Variants in ALOXE3 observed in about 807,000 individuals in gnomAD.
ALOXE3 encodes hydroperoxide isomerase ALOXE3.
A neutral mutation model predicts 87.5 loss-of-function variants in ALOXE3; 78 were observed. That is an observed-to-expected ratio of 0.89 (90% CI 0.74 to 1.08). The LOEUF (loss-of-function observed/expected upper bound fraction) is 1.08. Ranked by LOEUF, ALOXE3 falls within the 50% of genes least tolerant of loss-of-function variation. The pLI, the probability that ALOXE3 is intolerant of heterozygous loss-of-function variation, is 0.00. For missense variants in ALOXE3, 946 were observed against 912.4 expected, an observed-to-expected ratio of 1.04 and a Z score of -0.47; for synonymous variants, 363 against 370.8, an observed-to-expected ratio of 0.98 and a Z score of 0.24.
intron 13 of ALOXE3, 47 bp downstream of exon 13, chr17:8,108,421 T>C (rs1360699382): frequency 6.2e-7 from 1 of 1,605,706 alleles, no homozygotes; most frequent in Non-Finnish European, 8.5e-7. Context: ...GCCAAGCAAG[T>C]GCTAGCTCAT....
rs371734680 is a variant in ALOXE3, at chr17:8,117,215, G to C, written c.148-235C>G. Among the ~76,000 whole-genome samples, 142 of 152,372 alleles carry C rather than the reference G, an allele frequency of 9.3e-4. 4 individuals are homozygous for C. Among genetic ancestry groups the C allele is most frequent in the African/African-American group, 3.2e-3 (134 of 41,592 alleles). On this transcript the variant is annotated intron_variant, in intron 2 of 15. Coordinates refer to ENST00000448843, the MANE Select transcript of ALOXE3 (RefSeq NM_021628.3). Reference sequence around the variant, plus strand: ...GAGGCGGGTGGATCACCTGAGGTCAGGAGTTTGAGACCAGCCTGCCCGATG... The same window carrying C: ...GAGGCGGGTGGATCACCTGAGGTCACGAGTTTGAGACCAGCCTGCCCGATG...
chr17:8,118,792 G>A (rs1337325091), upstream of ALOXE3: 1 of 1,537,060 alleles, frequency 6.5e-7, no homozygotes, highest in South Asian at 1.2e-5. Flanking sequence ...TTCCGCTCCA[G>A]GACCGCCCTG....
rs377376435 is a variant in ALOXE3, at chr17:8,103,523, G to A, written c.1786-30C>T. ...GGAGACCCCCATCCCAGTTGGGTCA[G>A]TTGGCCAGAAGGGGAGTATCACCTC... is the stretch of plus-strand genomic sequence containing the variant. On this transcript the variant is annotated intron_variant, in intron 14 of 15. Coordinates refer to ENST00000448843, the MANE Select transcript of ALOXE3 (RefSeq NM_021628.3). 4 of 1,612,390 alleles carry A rather than the reference G, an allele frequency of 2.5e-6. No homozygotes were observed. The African/African-American group carries it at 4.0e-5, about 16-fold the overall frequency.
At chr17:8,101,367 T>C (rs543599927) in intron 15 of ALOXE3, among the ~76,000 whole-genome samples, 1 of 152,300 alleles carries the variant, frequency 6.6e-6, no homozygotes, top group South Asian at 2.1e-4. Context: ...TGGTTCACAT[T>C]TTAAAATCAT....
chr17:8,118,699 A>T, upstream of ALOXE3: 1 of 1,537,252 alleles, frequency 6.5e-7, no homozygotes, highest in South Asian at 1.2e-5. Flanking sequence ...GCCCGACCTC[A>T]TTCTCTGCTC....
At chr17:8,112,348 T>C (rs1395613393) in intron 6 of ALOXE3, 152 bp from the exon 7 acceptor site, 1 of 652,364 alleles carries the variant, frequency 1.5e-6, no homozygotes, top group Non-Finnish European at 2.8e-6. Flanking sequence ...TAGTACCCGG[T>C]GGAGGCTCTG....
intron 11 of ALOXE3, 130 bp from the exon 12 acceptor site, chr17:8,109,473 T>C (rs1979821349): frequency 1.6e-6 from 2 of 1,259,772 alleles, no homozygotes; most frequent in Non-Finnish European, 2.2e-6. Flanking sequence ...ACGGATCAAA[T>C]ACCCACGAGG....
chr17:8,104,460 G>C (rs1979145245), intron 13 of ALOXE3, among the ~76,000 whole-genome samples: 1 of 152,158 alleles, frequency 6.6e-6, no homozygotes, highest in Admixed American at 6.5e-5. Context: ...AATGACAGAG[G>C]CAGCTTCAAG....
chr17:8,112,097 C>G lies in ALOXE3; in HGVS notation c.780G>C (p.Thr260=). 2 of 1,613,816 alleles carry G rather than the reference C, an allele frequency of 1.2e-6. No individual in the cohort carries two copies. The highest frequency in any genetic ancestry group is 1.3e-5 in the African/African-American group (1 of 75,006). The change falls in exon 7 of 16, where the codon ACG becomes ACC. Residue 260 remains threonine (T), a synonymous_variant. Transcript: ENST00000448843. ...CTCCTGCCTGGCTCTGCTCACTTGT[C>G]GTGAAGGTCTTATGGCACCAGAAGA... is the stretch of plus-strand genomic sequence containing the variant. ...QNIFWCHKTF[T]TKYVTEHWCE... is the part of the protein sequence containing the mutation.
chr17:8,112,038 G>A, intron 7 of ALOXE3, 55 bp downstream of exon 7: 2 of 1,490,288 alleles, frequency 1.3e-6, no homozygotes, highest in Non-Finnish European at 1.9e-6. Flanking sequence ...GAGAGGAAGG[G>A]GTCTGAGCAT....
intron 13 of ALOXE3, among the ~76,000 whole-genome samples, chr17:8,107,291 C>T (rs1264179291): frequency 6.6e-6 from 1 of 152,198 alleles, no homozygotes; most frequent in African/African-American, 2.4e-5. Context: ...CCGAGGTGGG[C>T]AGATCACCTG....
chr17:8,113,092 A>G (rs62063060), intron 6 of ALOXE3, among the ~76,000 whole-genome samples: 2,407 of 152,284 alleles, frequency 0.016, 24 homozygotes, highest in Non-Finnish European at 0.026. Flanking sequence ...CTCCATCTCT[A>G]TGATAAAAAT....
At chr17:8,111,789 T>C (rs1459742850) in intron 7 of ALOXE3, among the ~76,000 whole-genome samples, 2 of 151,572 alleles carry the variant, frequency 1.3e-5, no homozygotes, top group Admixed American at 1.3e-4. Context: ...GTGGTTGGAG[T>C]AGGGGAAGAG....
At chr17:8,111,089 C>T (rs551611925) in intron 8 of ALOXE3, among the ~76,000 whole-genome samples, 6 of 152,176 alleles carry the variant, frequency 3.9e-5, no homozygotes, top group South Asian at 2.1e-4. Context: ...CAAGGGCAAG[C>T]CTTCCTCAAA....
Position 8,117,843 on chromosome 17 carries a change from C to G in ALOXE3, c.147+1G>C. ...CGCTTCCCTGTCTCCTTTGTACTCA[C>G]CGATCCAGGGGCGAAGTCCCTGCCC... On this transcript the variant is annotated splice_donor_variant, in intron 2 of 15. Coordinates refer to ENST00000448843, the MANE Select transcript of ALOXE3 (RefSeq NM_021628.3). LOFTEE classifies it high-confidence loss of function. 1 of 1,610,410 alleles carries G rather than the reference C, an allele frequency of 6.2e-7. No homozygotes were observed.
rs1226180432 is a variant in ALOXE3, at chr17:8,098,237, T to G, written c.1957-1431A>C. ...TTGAAATATACTTTTGGTTTTTGTT[T>G]TTTTTTTTTTTTTTTTTTTGAGACG... On this transcript the variant is annotated intron_variant, in intron 15 of 15. Coordinates refer to ENST00000448843, the MANE Select transcript of ALOXE3 (RefSeq NM_021628.3). Among the ~76,000 whole-genome samples the G allele has an allele frequency of 1.7e-3, 212 of 127,138 alleles. 1 individual carries two copies. Among genetic ancestry groups the G allele is most frequent in the Non-Finnish European group, 2.1e-3 (132 of 62,234 alleles). 83.4% of individuals were successfully genotyped at this position (127,138 alleles called of 152,430 possible). A position where few individuals can be genotyped will look rare whatever the true frequency, so the allele number is the denominator to read the frequency against.
At chr17:8,098,240 T>G (rs1356306992) in intron 15 of ALOXE3, among the ~76,000 whole-genome samples, 55 of 130,566 alleles carry the variant, frequency 4.2e-4, no homozygotes, top group Non-Finnish European at 7.1e-4. Context: ...TTTTGTTTTT[T>G]TTTTTTTTTT....
chr17:8,107,818 A>T (rs1427546299), intron 13 of ALOXE3, among the ~76,000 whole-genome samples: 2 of 2,248 alleles, frequency 8.9e-4, no homozygotes, highest in Non-Finnish European at 1.8e-3. Flanking sequence ...AACAAGAAAG[A>T]AAGAAAGAAA....
At chr17:8,117,689 T>C (rs1181810093) in intron 2 of ALOXE3, among the ~76,000 whole-genome samples, 155 bp downstream of exon 2, 1 of 151,988 alleles carries the variant, frequency 6.6e-6, no homozygotes, top group Non-Finnish European at 1.5e-5. Context: ...GAGTTCATCA[T>C]CTCCAGGAAA....
Sources: allele counts gnomAD v4.1 joint callset (sites outside exome capture counted in the v4.1 genomes callset), GRCh38; gene constraint gnomAD v4.1.1; transcripts MANE v1.5; gene names NCBI Gene and HGNC (gene_info 2026-07-23, HGNC 2026-07-21).